PTPRD: variants seen among roughly 807,000 people sequenced by gnomAD.
PTPRD encodes the protein receptor-type tyrosine-protein phosphatase delta.
Under a neutral mutation model 214.5 loss-of-function variants are expected in PTPRD, and 34 were observed. The ratio of observed to expected loss-of-function variants is 0.16; its 90% CI spans 0.12 to 0.21. PTPRD has a LOEUF of 0.21. Ranked by LOEUF, PTPRD falls within the 10% of genes least tolerant of loss-of-function variation. The pLI is 1.00. For missense variants in PTPRD, 2,545 were observed against 2,398.7 expected (o/e 1.06, Z -1.27); for synonymous variants, 1,128 against 845.7 (o/e 1.33, Z -5.79).
At chr9:10,548,522 G>C (rs552174587) in intron 2 of PTPRD, among the ~76,000 whole-genome samples, 2 of 152,132 alleles carry the variant, frequency 1.3e-5, no homozygotes, top group African/African-American at 4.8e-5. Context: ...GTGAAAGCCT[G>C]GAAAAGTGAA....
intron 5 of PTPRD, among the ~76,000 whole-genome samples, chr9:9,849,104 G>T (rs1261795838): frequency 6.6e-6 from 1 of 151,670 alleles, no homozygotes; most frequent in Non-Finnish European, 1.5e-5. Context: ...ATAGACACAG[G>T]GTGGTCACTT....
At chr9:8,482,823 T>C (rs1036720574) in intron 30 of PTPRD, among the ~76,000 whole-genome samples, 3 of 152,308 alleles carry the variant, frequency 2.0e-5, no homozygotes, top group African/African-American at 7.2e-5. Flanking sequence ...CCTTTAGTAA[T>C]GGGCCTATGC....
chr9:8,442,969 C>T (rs902966334), intron 34 of PTPRD, among the ~76,000 whole-genome samples: 1 of 152,106 alleles, frequency 6.6e-6, no homozygotes, highest in Non-Finnish European at 1.5e-5. Context: ...AGGAAGACCC[C>T]GTTTCTGCAA....
chr9:10,436,881 A>G lies in PTPRD; in HGVS notation c.-599-95864T>C, dbSNP rs532160034. On this transcript the variant is annotated intron_variant, in intron 2 of 45. Coordinates refer to ENST00000381196, the MANE Select transcript of PTPRD (RefSeq NM_002839.4). Reference sequence around the variant, plus strand: ...AGGAGGGGCTTGAAAACAGAGTTTAAGAGCTAATATACTCACGGAACTAAA... The same window carrying G: ...AGGAGGGGCTTGAAAACAGAGTTTAGGAGCTAATATACTCACGGAACTAAA... 1.4e-3 allele frequency among the ~76,000 whole-genome samples: 218 copies of G among 151,924 alleles called. 1 individual carries two copies. The highest frequency in any genetic ancestry group is 5.8e-3 in the South Asian group (28 of 4,824).
chr9:8,719,886 A>T (rs562549366), intron 12 of PTPRD, among the ~76,000 whole-genome samples: 1 of 152,366 alleles, frequency 6.6e-6, no homozygotes, highest in South Asian at 2.1e-4. Context: ...CTTGCATTTA[A>T]AAGTGTGTTA....
chr9:8,315,454 GT>G lies in PTPRD; in HGVS notation c.*2419del, dbSNP rs984901026. ...ATGCAATGTCTGTCTGACCCCCTTT[GT>G]TTAACTAAAAGAAAATTATAGCACT... On this transcript the variant is annotated 3_prime_UTR_variant, in exon 46 of 46. Transcript: ENST00000381196. 8.6e-6 allele frequency: 2 copies of G among 231,892 alleles called. No individual in the cohort carries two copies. The highest frequency in any genetic ancestry group is 4.4e-5 in the African/African-American group (2 of 45,166). 14.4% of individuals were successfully genotyped at this position (231,892 alleles called of 1,614,324 possible). A position where few individuals can be genotyped will look rare whatever the true frequency, so the allele number is the denominator to read the frequency against.
intron 2 of PTPRD, among the ~76,000 whole-genome samples, chr9:10,553,615 T>A (rs546058635): frequency 3.9e-5 from 6 of 152,292 alleles, no homozygotes; most frequent in African/African-American, 1.4e-4. Flanking sequence ...TCTGGCTTTA[T>A]TTACTTGTCA....
At chr9:9,545,595 A>G (rs967509223) in intron 8 of PTPRD, among the ~76,000 whole-genome samples, 5 of 151,836 alleles carry the variant, frequency 3.3e-5, no homozygotes, top group African/African-American at 1.2e-4. Context: ...TTTTGCATGG[A>G]CCAAAATTTT....
intron 2 of PTPRD, among the ~76,000 whole-genome samples, chr9:10,504,809 C>A (rs1007465008): frequency 2.6e-5 from 4 of 152,076 alleles, no homozygotes; most frequent in Non-Finnish European, 5.9e-5. Flanking sequence ...ATTCATTTAC[C>A]TGACTACCCC....
intron 21 of PTPRD, 34 bp from the exon 22 acceptor site, chr9:8,507,468 A>C (rs755369768): frequency 1.9e-5 from 31 of 1,612,872 alleles, no homozygotes; most frequent in South Asian, 1.1e-4. Flanking sequence ...TGAACTCACA[A>C]TCACCAGGAG....
At chr9:8,327,862 G>T (rs2071474606) in intron 44 of PTPRD, among the ~76,000 whole-genome samples, 1 of 152,068 alleles carries the variant, frequency 6.6e-6, no homozygotes, top group African/African-American at 2.4e-5. Context: ...CTTTCCATTT[G>T]CTTGGTAAAT....
chr9:10,470,001 G>A (rs895014224), intron 2 of PTPRD, among the ~76,000 whole-genome samples: 1 of 151,972 alleles, frequency 6.6e-6, no homozygotes, highest in African/African-American at 2.4e-5. Context: ...CAGAGGCTGG[G>A]TAGGGTATTT....
intron 5 of PTPRD, among the ~76,000 whole-genome samples, chr9:9,811,966 TA>T (rs1440358007): frequency 6.6e-6 from 1 of 152,060 alleles, no homozygotes; most frequent in Non-Finnish European, 1.5e-5. Flanking sequence ...ACTGTTATCT[TA>T]AAAAAATGCA....
chr9:10,302,820 C>T (rs1195310761), intron 3 of PTPRD, among the ~76,000 whole-genome samples: 1 of 152,166 alleles, frequency 6.6e-6, no homozygotes, highest in African/African-American at 2.4e-5. Flanking sequence ...TAGTGGGAAA[C>T]TGTAACACCC....
At chr9:10,400,955 A>G (rs910670402) in intron 2 of PTPRD, among the ~76,000 whole-genome samples, 14 of 151,546 alleles carry the variant, frequency 9.2e-5, no homozygotes, top group Admixed American at 6.6e-5. Flanking sequence ...TTCAAAGACT[A>G]TTCATTACAA....
At chr9:9,866,607 G>A (rs906697058) in intron 5 of PTPRD, among the ~76,000 whole-genome samples, 1 of 152,104 alleles carries the variant, frequency 6.6e-6, no homozygotes, top group Non-Finnish European at 1.5e-5. Context: ...ATAAAACAAA[G>A]TGAAAAGTAG....
At chr9:9,540,270 G>A (rs642281) in intron 8 of PTPRD, among the ~76,000 whole-genome samples, 15,600 of 151,660 alleles carry the variant, frequency 0.1, 950 homozygotes, top group East Asian at 0.17. Flanking sequence ...ATTTTACTAC[G>A]TAAACACTGA....
intron 4 of PTPRD, among the ~76,000 whole-genome samples, chr9:10,019,526 C>T (rs2096799282): frequency 6.6e-6 from 1 of 152,068 alleles, no homozygotes. Context: ...TGGAACCAAG[C>T]CAAAAGTCCA....
chr9:8,692,323 C>CTT (rs2154382884), intron 12 of PTPRD, among the ~76,000 whole-genome samples: 1 of 152,270 alleles, frequency 6.6e-6, no homozygotes, highest in African/African-American at 2.4e-5. Context: ...TCCATGTAGA[C>CTT]TTAAAGACTC....
Sources: gnomAD v4.1 joint callset for allele counts (sites outside exome capture counted in the v4.1 genomes callset) on GRCh38, gnomAD v4.1.1 for gene constraint, MANE v1.5 for transcripts, NCBI Gene and HGNC (gene_info 2026-07-23, HGNC 2026-07-21) for gene names.